The following EYS variants were observed in gnomAD, a reference collection of about 807,000 sequenced individuals.
The protein encoded by EYS is EGF-like photoreceptor maintenance factor, also known as protein eyes shut homolog.
Under a neutral mutation model 282.1 loss-of-function variants are expected in EYS, and 250 were observed. That is an observed-to-expected ratio of 0.89 (90% CI 0.80 to 0.98). EYS has a LOEUF of 0.98. Among genes scored for constraint, EYS ranks in the 50% least tolerant of loss-of-function variants. The pLI, the probability that EYS is intolerant of heterozygous loss-of-function variation, is 0.00. For synonymous variants in EYS, 1,355 were observed against 1,282.9 expected, an observed-to-expected ratio of 1.06 and a Z score of -1.20; for missense variants, 4,016 against 3,709.0, an observed-to-expected ratio of 1.08 and a Z score of -2.15.
At chr6:65,353,164 C>T (rs930083046) in intron 9 of EYS, among the ~76,000 whole-genome samples, 2 of 151,710 alleles carry the variant, frequency 1.3e-5, no homozygotes, top group Non-Finnish European at 2.9e-5. Context: ...ACATAGTTAT[C>T]ACTGTATTTG....
intron 30 of EYS, among the ~76,000 whole-genome samples, chr6:64,259,196 A>G (rs1296750621): frequency 2.6e-5 from 4 of 151,970 alleles, no homozygotes; most frequent in Non-Finnish European, 4.4e-5. Flanking sequence ...CGATTTTACT[A>G]TTCTAGAATT....
chr6:64,376,944 C>T (rs1772579941), intron 29 of EYS, among the ~76,000 whole-genome samples: 1 of 152,094 alleles, frequency 6.6e-6, no homozygotes, highest in Admixed American at 6.5e-5. Flanking sequence ...CACCTTAAAA[C>T]ACTGACCCTG....
At chr6:65,253,322 A>G (rs1582066692) in intron 12 of EYS, among the ~76,000 whole-genome samples, 1 of 151,976 alleles carries the variant, frequency 6.6e-6, no homozygotes, top group African/African-American at 2.4e-5. Flanking sequence ...CATTAATTCC[A>G]GATGAATTAT....
chr6:64,782,078 G>A (rs1773880865), intron 22 of EYS, among the ~76,000 whole-genome samples: 1 of 152,144 alleles, frequency 6.6e-6, no homozygotes, highest in Non-Finnish European at 1.5e-5. Context: ...TTAAATGTCT[G>A]TAAGATTTAG....
At chr6:64,315,242 G>A (rs536081522) in intron 29 of EYS, among the ~76,000 whole-genome samples, 1 of 151,680 alleles carries the variant, frequency 6.6e-6, no homozygotes, top group African/African-American at 2.4e-5. Context: ...TCAAATCCCT[G>A]AATAATAACT....
At chr6:65,564,986 C>T in intron 2 of EYS, among the ~76,000 whole-genome samples, 1 of 24,320 alleles carries the variant, frequency 4.1e-5, no homozygotes, top group Non-Finnish European at 6.2e-5. Flanking sequence ...TGGCTCACGC[C>T]TGTAATCCCA....
At chr6:65,381,779 CAT>C (rs1183212913) in intron 8 of EYS, among the ~76,000 whole-genome samples, 1 of 151,680 alleles carries the variant, frequency 6.6e-6, no homozygotes, top group East Asian at 1.9e-4. Flanking sequence ...ATATAACTCA[CAT>C]ATAGTTTTGC....
intron 8 of EYS, among the ~76,000 whole-genome samples, chr6:65,369,326 A>T (rs1415004947): frequency 1.9e-4 from 27 of 142,588 alleles, no homozygotes; most frequent in South Asian, 1.1e-3. Context: ...TTATATATAT[A>T]TATTTATATA....
At chr6:63,932,126 C>T (rs954673417) in intron 35 of EYS, among the ~76,000 whole-genome samples, 5 of 152,180 alleles carry the variant, frequency 3.3e-5, no homozygotes, top group African/African-American at 1.2e-4. Flanking sequence ...ACAAAATGTC[C>T]TCCAGGCCCA....
intron 26 of EYS, among the ~76,000 whole-genome samples, chr6:64,533,709 A>T (rs1008524251): frequency 6.6e-6 from 1 of 152,090 alleles, no homozygotes; most frequent in African/African-American, 2.4e-5. Context: ...AAGCTAATGT[A>T]AAATTATATC....
In EYS at chr6:64,571,543, A is replaced by G. The variant is rs114557520; in HGVS notation, c.5644+18680T>C. Among the ~76,000 whole-genome samples the G allele has an allele frequency of 5.9e-3, 893 of 152,286 alleles. 7 individuals are homozygous for G. The highest frequency in any genetic ancestry group is 0.016 in the South Asian group (78 of 4,828). On this transcript the variant is annotated intron_variant, in intron 26 of 42. Transcript: ENST00000503581. ...GATATATCACTAGCCAGACTAATAA[A>G]GAAGAAAAAACAGAAGAATCAAATA...
At chr6:65,071,380 T>A (rs1773898348) in intron 12 of EYS, among the ~76,000 whole-genome samples, 1 of 151,828 alleles carries the variant, frequency 6.6e-6, no homozygotes, top group Non-Finnish European at 1.5e-5. Context: ...TACATTGGCA[T>A]ATATCTAAAC....
chr6:63,886,267 C>T (rs150943458), intron 35 of EYS, among the ~76,000 whole-genome samples: 11 of 152,194 alleles, frequency 7.2e-5, no homozygotes, highest in African/African-American at 2.2e-4. Context: ...CTTTTGAGTA[C>T]ATTTTACAGG....
intron 28 of EYS, among the ~76,000 whole-genome samples, chr6:64,389,364 T>C (rs1386341265): frequency 2.6e-5 from 4 of 152,196 alleles, no homozygotes; most frequent in Non-Finnish European, 4.4e-5. Context: ...AGAGTAATAA[T>C]TTCCATATGC....
chr6:65,170,612 A>G lies in EYS; in HGVS notation c.2024-112885T>C, dbSNP rs569863928. The stretch of plus-strand genomic sequence containing the variant: ...ACAAGGTTTCCAAAATGTCTAAGCC[A>G]AAAATGGTTTCAATAGCATAAATAC... On this transcript the variant is annotated intron_variant, in intron 12 of 42. Coordinates refer to ENST00000503581, the MANE Select transcript of EYS (RefSeq NM_001142800.2). Among the ~76,000 whole-genome samples the G allele has an allele frequency of 4.6e-5, 7 of 151,598 alleles. No individual in the cohort carries two copies. The South Asian group carries it at 1.5e-3, about 31-fold the overall frequency.
intron 35 of EYS, among the ~76,000 whole-genome samples, chr6:63,916,699 C>T (rs397228): frequency 0.71 from 107,729 of 152,092 alleles, 38,283 homozygotes; most frequent in Non-Finnish European, 0.73. Context: ...TGATGGCATC[C>T]TTGAAACACA....
chr6:64,369,256 C>T (rs548962067), intron 29 of EYS, among the ~76,000 whole-genome samples: 2 of 151,990 alleles, frequency 1.3e-5, no homozygotes, highest in African/African-American at 4.8e-5. Context: ...TCTGGGCTCT[C>T]GATTTTGTTC....
At chr6:63,904,615 T>C (rs182062809) in intron 35 of EYS, among the ~76,000 whole-genome samples, 15 of 152,266 alleles carry the variant, frequency 9.9e-5, no homozygotes, top group Non-Finnish European at 2.2e-4. Flanking sequence ...ACTGGGAACT[T>C]AGGCCAGATA....
intron 28 of EYS, among the ~76,000 whole-genome samples, chr6:64,418,072 CAT>C (rs1171434635): frequency 3.3e-5 from 5 of 152,164 alleles, no homozygotes; most frequent in Non-Finnish European, 5.9e-5. Flanking sequence ...AGAGTGGTGA[CAT>C]AGGAGAAATT....
Sources: gnomAD v4.1 joint callset for allele counts (sites outside exome capture counted in the v4.1 genomes callset) on GRCh38, gnomAD v4.1.1 for gene constraint, MANE v1.5 for transcripts, NCBI Gene and HGNC (gene_info 2026-07-23, HGNC 2026-07-21) for gene names.